RABGAP1L: variants seen among roughly 807,000 people sequenced by gnomAD.
The protein encoded by RABGAP1L is RAB GTPase activating protein 1 like, also known as rab GTPase-activating protein 1-like.
In RABGAP1L, 63 loss-of-function variants were observed where a neutral mutation model predicts 137.7. The ratio of observed to expected loss-of-function variants is 0.46; its 90% CI spans 0.37 to 0.56. The LOEUF (loss-of-function observed/expected upper bound fraction) is 0.56. RABGAP1L is among the 20% of genes least tolerant of loss of function. The probability of loss-of-function intolerance (pLI) is 0.00; values close to 1 mark genes in which losing one functional copy is unlikely to be tolerated. For missense variants in RABGAP1L, 1,095 were observed against 1,244.0 expected (o/e 0.88, Z 1.80); for synonymous variants, 431 against 433.7 (o/e 0.99, Z 0.08).
At chr1:174,626,709 T>G (rs1327212388) in intron 13 of RABGAP1L, among the ~76,000 whole-genome samples, 2 of 152,202 alleles carry the variant, frequency 1.3e-5, no homozygotes, top group Middle Eastern at 3.2e-3. Flanking sequence ...TCCAGCCCTT[T>G]TGTATTATTG....
intron 11 of RABGAP1L, among the ~76,000 whole-genome samples, chr1:174,310,119 T>C (rs1255103414): frequency 6.6e-6 from 1 of 152,140 alleles, no homozygotes; most frequent in East Asian, 1.9e-4. Context: ...GAATTATTCA[T>C]GTCTTCTAGG....
chr1:174,666,205 T>C (rs1388486039), intron 14 of RABGAP1L, among the ~76,000 whole-genome samples: 2 of 152,354 alleles, frequency 1.3e-5, no homozygotes, highest in East Asian at 1.9e-4. Flanking sequence ...ATTTAAGGGC[T>C]ACTGCTGCCA....
intron 13 of RABGAP1L, among the ~76,000 whole-genome samples, chr1:174,498,626 A>G (rs920543388): frequency 6.6e-4 from 100 of 150,736 alleles, no homozygotes; most frequent in Admixed American, 1.7e-3. Flanking sequence ...CTTCCTGAGT[A>G]GGTGGGATTA....
rs776723535 is a variant in RABGAP1L at position 174,252,412 on chromosome 1, C to T, written c.876-68C>T. ...TAAATACTTTGTTGTTTTGTTCTAA[C>T]CTTGGAATAGGTTATTTTATCATTT... On this transcript the variant is annotated intron_variant, in intron 6 of 25. Coordinates refer to ENST00000681986, the MANE Select transcript of RABGAP1L (RefSeq NM_001366446.1). 4.0e-5 allele frequency: 63 copies of T among 1,566,962 alleles called. 1 individual carries two copies. The Admixed American group carries it at 1.2e-3, about 31-fold the overall frequency.
intron 13 of RABGAP1L, among the ~76,000 whole-genome samples, chr1:174,617,953 A>G (rs1345095342): frequency 6.6e-6 from 1 of 152,156 alleles, no homozygotes; most frequent in Non-Finnish European, 1.5e-5. Flanking sequence ...CGAATACTGC[A>G]CTTTTCCAAT....
At chr1:174,323,041 G>A (rs2148833204) in intron 11 of RABGAP1L, among the ~76,000 whole-genome samples, 1 of 152,196 alleles carries the variant, frequency 6.6e-6, no homozygotes, top group Non-Finnish European at 1.5e-5. Context: ...AAAATGACAG[G>A]TGCTACTCCA....
intron 13 of RABGAP1L, among the ~76,000 whole-genome samples, chr1:174,544,035 C>T (rs1317344832): frequency 6.6e-6 from 1 of 152,100 alleles, no homozygotes; most frequent in African/African-American, 2.4e-5. Flanking sequence ...ACATTTTTTC[C>T]TTTATTTCAA....
intron 13 of RABGAP1L, among the ~76,000 whole-genome samples, chr1:174,461,882 A>AC (rs1242090183): frequency 6.6e-6 from 1 of 152,142 alleles, no homozygotes; most frequent in African/African-American, 2.4e-5. Context: ...TGCGTCTTAA[A>AC]GGGGGGTGAA....
chr1:174,529,374 T>C (rs1664195406), intron 13 of RABGAP1L, among the ~76,000 whole-genome samples: 1 of 152,198 alleles, frequency 6.6e-6, no homozygotes, highest in African/African-American at 2.4e-5. Context: ...TGCAGGCTAG[T>C]AGTATAATCT....
chr1:174,597,354 C>T (rs1011746789), intron 13 of RABGAP1L, among the ~76,000 whole-genome samples: 1 of 152,044 alleles, frequency 6.6e-6, no homozygotes, highest in Non-Finnish European at 1.5e-5. Context: ...TGGGACTTTT[C>T]TTGATAGGAG....
intron 19 of RABGAP1L, chr1:174,874,634 A>G (rs2149065866): frequency 2.4e-6 from 1 of 417,500 alleles, no homozygotes; most frequent in Middle Eastern, 1.3e-3. Flanking sequence ...GAAGGCGATA[A>G]CTGCAGACAC....
At chr1:174,195,651 T>TC (rs1337582698) in intron 1 of RABGAP1L, among the ~76,000 whole-genome samples, 4 of 118,370 alleles carry the variant, frequency 3.4e-5, no homozygotes, top group African/African-American at 1.3e-4. Flanking sequence ...CTTCCTTCCT[T>TC]CCTTTCCTTT....
Position 174,352,350 on chromosome 1 carries a change from GAA to G in RABGAP1L, c.1466-18627_1466-18626del, listed in dbSNP as rs565089142. The stretch of plus-strand genomic sequence containing the variant: ...CTTCTGCTTGATCAATTCTGGTGTT[GAA>G]AGACTATGATTCATTCTTCAGTATG... On this transcript the variant is annotated intron_variant, in intron 11 of 25. Coordinates refer to ENST00000681986, the MANE Select transcript of RABGAP1L (RefSeq NM_001366446.1). Among the ~76,000 whole-genome samples the G allele has an allele frequency of 1.9e-4, 29 of 151,854 alleles. No homozygotes were observed. In the South Asian group the frequency reaches 4.8e-3, roughly 25 times the overall value.
chr1:174,376,960 C>G (rs1384745670), intron 12 of RABGAP1L, among the ~76,000 whole-genome samples: 5 of 152,034 alleles, frequency 3.3e-5, no homozygotes, highest in Non-Finnish European at 7.4e-5. Context: ...CCCAAGGAAT[C>G]TACAAAACAA....
At chr1:174,812,006 GAAT>G in intron 19 of RABGAP1L, 46 bp downstream of exon 19, 1 of 1,494,310 alleles carries the variant, frequency 6.7e-7, no homozygotes, top group East Asian at 2.4e-5. Flanking sequence ...TATGAGTGCA[GAAT>G]AATATGACAA....
chr1:174,872,299 G>T (rs574527703), intron 19 of RABGAP1L, among the ~76,000 whole-genome samples: 1 of 152,084 alleles, frequency 6.6e-6, no homozygotes, highest in Non-Finnish European at 1.5e-5. Flanking sequence ...ATTTTAAAGA[G>T]AACAAGTTTA....
intron 13 of RABGAP1L, among the ~76,000 whole-genome samples, chr1:174,410,098 A>T (rs1649744931): frequency 6.6e-6 from 1 of 152,108 alleles, no homozygotes; most frequent in Admixed American, 6.6e-5. Flanking sequence ...AGTCCTTAAT[A>T]AAAACCTACT....
chr1:174,586,974 C>T (rs1005501089), intron 13 of RABGAP1L, among the ~76,000 whole-genome samples: 9 of 151,682 alleles, frequency 5.9e-5, no homozygotes, highest in Non-Finnish European at 1.2e-4. Context: ...GTTCAATTCC[C>T]ACCTATGAGT....
At chr1:174,201,606 T>TG (rs1356879904) in intron 1 of RABGAP1L, among the ~76,000 whole-genome samples, 1 of 152,140 alleles carries the variant, frequency 6.6e-6, no homozygotes, top group Non-Finnish European at 1.5e-5. Context: ...ATTTTTCTTT[T>TG]TTTTGTTAAA....
Sources: allele counts gnomAD v4.1 joint callset (sites outside exome capture counted in the v4.1 genomes callset), GRCh38; gene constraint gnomAD v4.1.1; transcripts MANE v1.5; gene names NCBI Gene and HGNC (gene_info 2026-07-23, HGNC 2026-07-21).